RGS6: variants seen among roughly 807,000 people sequenced by gnomAD.
RGS6 encodes the protein regulator of G protein signaling 6.
A neutral mutation model predicts 78.5 loss-of-function variants in RGS6; 30 were observed. That is an observed-to-expected ratio of 0.38 (90% CI 0.29 to 0.52). The LOEUF (loss-of-function observed/expected upper bound fraction) is 0.52. Among genes scored for constraint, RGS6 ranks in the 20% least tolerant of loss-of-function variants. The pLI, the probability that RGS6 is intolerant of heterozygous loss-of-function variation, is 0.85. For synonymous variants in RGS6, 206 were observed against 206.0 expected (o/e 1.00, Z 0.00); for missense variants, 495 against 609.7 (o/e 0.81, Z 1.98).
chr14:72,612,287 T>A, the RGS6 span, among the ~76,000 whole-genome samples: 195 of 152,288 alleles, frequency 1.3e-3, 1 homozygote, highest in Admixed American at 3.7e-3. Flanking sequence ...AAATGCCATG[T>A]GGACCAGACG....
At chr14:72,426,763 A>G (rs1352144860) in intron 3 of RGS6, among the ~76,000 whole-genome samples, 1 of 152,252 alleles carries the variant, frequency 6.6e-6, no homozygotes, top group Non-Finnish European at 1.5e-5. Context: ...TGGGTTAGCA[A>G]GATTTTGAGG....
intron 12 of RGS6, among the ~76,000 whole-genome samples, chr14:72,491,700 A>T (rs918842237): frequency 3.9e-5 from 6 of 152,214 alleles, no homozygotes; most frequent in African/African-American, 1.2e-4. Flanking sequence ...AATTTAATAA[A>T]AAAGAAAGTG....
chr14:72,265,942 G>T (rs1231573472), intron 2 of RGS6, among the ~76,000 whole-genome samples: 2 of 142,460 alleles, frequency 1.4e-5, no homozygotes, highest in Admixed American at 7.0e-5. Flanking sequence ...CTTTTTTGGG[G>T]GGGGGGGCGG....
At chr14:72,489,284 C>T (rs1566967585) in intron 12 of RGS6, among the ~76,000 whole-genome samples, 1 of 152,248 alleles carries the variant, frequency 6.6e-6, no homozygotes, top group African/African-American at 2.4e-5. Context: ...CAGTACAACT[C>T]GTCACCCCCT....
At chr14:72,156,132 G>A (rs1365618333) in intron 2 of RGS6, among the ~76,000 whole-genome samples, 1 of 152,204 alleles carries the variant, frequency 6.6e-6, no homozygotes, top group Non-Finnish European at 1.5e-5. Context: ...GAAGGGGCTG[G>A]TCAGCAAGGA....
intron 2 of RGS6, among the ~76,000 whole-genome samples, chr14:72,128,064 G>C (rs1005123825): frequency 1.3e-5 from 2 of 152,110 alleles, no homozygotes; most frequent in Non-Finnish European, 2.9e-5. Context: ...ACATTTGAAT[G>C]ACATCTGTGC....
intron 3 of RGS6, among the ~76,000 whole-genome samples, chr14:72,356,295 A>C (rs1255874511): frequency 6.6e-6 from 1 of 152,052 alleles, no homozygotes; most frequent in Non-Finnish European, 1.5e-5. Context: ...GATGGTTTAA[A>C]AGTGTGGCAC....
intron 2 of RGS6, among the ~76,000 whole-genome samples, chr14:72,049,991 T>C (rs2093126766): frequency 6.6e-6 from 1 of 152,166 alleles, no homozygotes; most frequent in African/African-American, 2.4e-5. Flanking sequence ...CTAGATGATT[T>C]TGATGCAGTA....
chr14:72,432,071 A>G (rs2094671668), intron 3 of RGS6, among the ~76,000 whole-genome samples: 2 of 152,204 alleles, frequency 1.3e-5, no homozygotes, highest in South Asian at 4.1e-4. Context: ...AGAAGCTAGA[A>G]ATCTTAGATA....
intron 2 of RGS6, among the ~76,000 whole-genome samples, chr14:72,020,294 A>T (rs553097522): frequency 2.8e-4 from 42 of 152,348 alleles, no homozygotes; most frequent in African/African-American, 9.9e-4. Context: ...GGCCATTGCA[A>T]GTCAGTTTCT....
chr14:72,303,999 G>C (rs780297672), intron 2 of RGS6, among the ~76,000 whole-genome samples: 1 of 152,184 alleles, frequency 6.6e-6, no homozygotes, highest in African/African-American at 2.4e-5. Context: ...TCTATCATCT[G>C]GGCCTGCTGG....
At chr14:72,155,330 A>G (rs1453519930) in intron 2 of RGS6, among the ~76,000 whole-genome samples, 2 of 152,170 alleles carry the variant, frequency 1.3e-5, no homozygotes, top group African/African-American at 4.8e-5. Context: ...ACATCAGATA[A>G]TTTCCTCCAC....
rs182778373 is a variant in RGS6, at chr14:72,075,653, C to T, written c.84+110778C>T. On this transcript the variant is annotated intron_variant, in intron 2 of 17. Transcript: ENST00000553525. ...ACTCTTGTTAACATCTTGTTATTTA[C>T]TTGTACAGTTTTTTTCTGTGTTCAT... Among the ~76,000 whole-genome samples, 70 of 152,196 alleles carry T rather than the reference C, an allele frequency of 4.6e-4. 1 individual carries two copies. Among genetic ancestry groups the T allele is most frequent in the African/African-American group, 1.6e-3 (66 of 41,556 alleles).
chr14:72,189,349 A>C (rs563244197), intron 2 of RGS6, among the ~76,000 whole-genome samples: 2 of 152,316 alleles, frequency 1.3e-5, no homozygotes, highest in East Asian at 3.9e-4. Flanking sequence ...GAGTAGCAAA[A>C]CATTTTTCTA....
At chr14:72,144,339 G>A (rs2096579406) in intron 2 of RGS6, among the ~76,000 whole-genome samples, 2 of 152,098 alleles carry the variant, frequency 1.3e-5, no homozygotes, top group South Asian at 4.2e-4. Context: ...GTCCCTAAAG[G>A]AAAAGTTTGC....
At chr14:72,525,514 A>G (rs1253060059) in intron 15 of RGS6, among the ~76,000 whole-genome samples, 2 of 152,266 alleles carry the variant, frequency 1.3e-5, no homozygotes, top group African/African-American at 4.8e-5. Flanking sequence ...CGCCATGAGC[A>G]GACAAGAAGC....
chr14:72,302,308 TG>T, intron 2 of RGS6, among the ~76,000 whole-genome samples: 1 of 152,356 alleles, frequency 6.6e-6, no homozygotes, highest in South Asian at 2.1e-4. Flanking sequence ...GCCAATTAAG[TG>T]GCGGAGCCAA....
intron 3 of RGS6, among the ~76,000 whole-genome samples, chr14:72,444,150 G>A (rs139440002): frequency 6.6e-6 from 1 of 152,310 alleles, no homozygotes; most frequent in Non-Finnish European, 1.5e-5. Flanking sequence ...GGATTCGGAT[G>A]TGGGAGGGTT....
At chr14:72,056,574 A>T (rs541785049) in intron 2 of RGS6, among the ~76,000 whole-genome samples, 43 of 152,320 alleles carry the variant, frequency 2.8e-4, no homozygotes, top group Admixed American at 1.2e-3. Flanking sequence ...TTTAGTTGAC[A>T]ATCACTTTTA....
Sources: gnomAD v4.1 joint callset for allele counts (sites outside exome capture counted in the v4.1 genomes callset) on GRCh38, gnomAD v4.1.1 for gene constraint, MANE v1.5 for transcripts, NCBI Gene and HGNC (gene_info 2026-07-23, HGNC 2026-07-21) for gene names.